Variants in DAB2IP observed in about 807,000 individuals in gnomAD.
DAB2IP encodes the protein disabled homolog 2-interacting protein.
In DAB2IP, 28 loss-of-function variants were observed where a neutral mutation model predicts 107.2. The ratio of observed to expected loss-of-function variants is 0.26; its 90% CI spans 0.19 to 0.36. The LOEUF (loss-of-function observed/expected upper bound fraction) is 0.36. DAB2IP is among the 10% of genes least tolerant of loss of function. The pLI, the probability that DAB2IP is intolerant of heterozygous loss-of-function variation, is 1.00. For missense variants in DAB2IP, 1,400 were observed against 1,644.7 expected, an observed-to-expected ratio of 0.85 and a Z score of 2.57; for synonymous variants, 755 against 706.4, an observed-to-expected ratio of 1.07 and a Z score of -1.09.
intron 1 of DAB2IP, among the ~76,000 whole-genome samples, chr9:121,597,638 TG>T (rs1386741259): frequency 6.6e-5 from 10 of 152,238 alleles, no homozygotes; most frequent in Non-Finnish European, 1.5e-4. Flanking sequence ...ATAATGCTTT[TG>T]TTTACAAAAG....
chr9:121,748,992 C>T (rs1483544100), intron 3 of DAB2IP, among the ~76,000 whole-genome samples: 1 of 152,188 alleles, frequency 6.6e-6, no homozygotes, highest in Non-Finnish European at 1.5e-5. Context: ...CTGAGGGAAC[C>T]CTGGGTTGAG....
intron 10 of DAB2IP, among the ~76,000 whole-genome samples, chr9:121,769,224 A>G (rs1834517050): frequency 6.6e-6 from 1 of 152,178 alleles, no homozygotes; most frequent in Non-Finnish European, 1.5e-5. Context: ...TAGGGCTCCA[A>G]GGGACCACCT....
chr9:121,780,041 G>A (rs1410897022), intron 14 of DAB2IP, among the ~76,000 whole-genome samples: 1 of 148,610 alleles, frequency 6.7e-6, no homozygotes, highest in East Asian at 1.9e-4. Flanking sequence ...CATTTTTCTG[G>A]TTTGTTTGTT....
intron 1 of DAB2IP, among the ~76,000 whole-genome samples, chr9:121,627,634 G>C (rs1347498206): frequency 2.6e-5 from 4 of 152,084 alleles, no homozygotes; most frequent in Non-Finnish European, 5.9e-5. Context: ...TATGAAGAGC[G>C]GGGCTGGGCT....
At chr9:121,709,593 G>C (rs536676994) in intron 3 of DAB2IP, among the ~76,000 whole-genome samples, 2 of 152,140 alleles carry the variant, frequency 1.3e-5, no homozygotes, top group South Asian at 4.1e-4. Flanking sequence ...AAACCCAGGC[G>C]GTTGGCTTTA....
chr9:121,761,023 C>G (rs762200033), intron 6 of DAB2IP, among the ~76,000 whole-genome samples: 1 of 152,192 alleles, frequency 6.6e-6, no homozygotes, highest in Non-Finnish European at 1.5e-5. Context: ...CTGAGACCCA[C>G]CCAGGCAAGT....
intron 3 of DAB2IP, among the ~76,000 whole-genome samples, chr9:121,755,904 G>A (rs559692714): frequency 6.6e-6 from 1 of 152,308 alleles, no homozygotes; most frequent in African/African-American, 2.4e-5. Flanking sequence ...GGCGAGGCAG[G>A]GAGAGAATGA....
At chr9:121,758,323 A>G (rs1000766512) in intron 4 of DAB2IP, among the ~76,000 whole-genome samples, 14 of 152,162 alleles carry the variant, frequency 9.2e-5, no homozygotes, top group African/African-American at 2.9e-4. Context: ...TGGGGACCCT[A>G]GGGCCTGGCA....
rs971897667 is a variant in DAB2IP at position 121,662,599 on chromosome 9, A to G, written c.124+10700A>G. On this transcript the variant is annotated intron_variant, in intron 1 of 15. Transcript: ENST00000408936. This position sits in a 1 kb window ranked among gnomAD's most constrained non-coding sequence, Gnocchi z 4.6. ...GACTTGTAAGCCTGAAATATTTGCTATCTGGCCTTTTATGGAAAGTTTGCT... is the reference window on the plus strand; with the variant it reads ...GACTTGTAAGCCTGAAATATTTGCTGTCTGGCCTTTTATGGAAAGTTTGCT... 6.6e-6 allele frequency among the ~76,000 whole-genome samples: 1 copy of G among 152,188 alleles called. No individual in the cohort carries two copies. The highest frequency in any genetic ancestry group is 1.5e-5 in the Non-Finnish European group (1 of 68,042).
chr9:121,721,619 T>C (rs996045995), intron 3 of DAB2IP, among the ~76,000 whole-genome samples: 1 of 152,218 alleles, frequency 6.6e-6, no homozygotes, highest in Non-Finnish European at 1.5e-5. Flanking sequence ...AAGCCAAAAA[T>C]CTAGAGGTTT....
chr9:121,677,885 C>T (rs1027175898), intron 1 of DAB2IP, among the ~76,000 whole-genome samples: 6 of 152,296 alleles, frequency 3.9e-5, no homozygotes, highest in African/African-American at 1.4e-4. Flanking sequence ...TGGTTTCGAA[C>T]TCCTGACCTC....
chr9:121,680,206 G>A (rs547875588), intron 2 of DAB2IP, among the ~76,000 whole-genome samples: 2 of 152,324 alleles, frequency 1.3e-5, no homozygotes, highest in South Asian at 2.1e-4. Context: ...TCAAGGTCAC[G>A]TGGAACCTCC....
exon 16 of DAB2IP, chr9:121,783,382 C>G: frequency 6.5e-7 from 1 of 1,540,026 alleles, no homozygotes. Context: ...TGGGGCCCAG[C>G]ACACCCAGGG....
At chr9:121,580,381 A>G (rs887057077) in intron 1 of DAB2IP, among the ~76,000 whole-genome samples, 1 of 152,174 alleles carries the variant, frequency 6.6e-6, no homozygotes, top group Non-Finnish European at 1.5e-5. Flanking sequence ...GACCTTAAAG[A>G]TAACCAGAGA....
intron 3 of DAB2IP, among the ~76,000 whole-genome samples, chr9:121,726,596 A>C (rs1438685930): frequency 6.6e-6 from 1 of 152,202 alleles, no homozygotes; most frequent in Non-Finnish European, 1.5e-5. Context: ...ATCTGATGCT[A>C]TCTCCAGGTA....
At chr9:121,590,225 C>T (rs571225602) in intron 1 of DAB2IP, among the ~76,000 whole-genome samples, 5 of 150,216 alleles carry the variant, frequency 3.3e-5, no homozygotes, top group South Asian at 2.1e-4. Context: ...ACTTATGCTC[C>T]GTGACCGTCA....
chr9:121,585,225 G>GT (rs1830286559), intron 1 of DAB2IP, among the ~76,000 whole-genome samples: 1 of 152,120 alleles, frequency 6.6e-6, no homozygotes. Flanking sequence ...GAATGGCGAG[G>GT]GGTCAATGAG....
intron 1 of DAB2IP, among the ~76,000 whole-genome samples, chr9:121,674,618 G>A (rs1360289480): frequency 6.6e-6 from 1 of 152,134 alleles, no homozygotes; most frequent in Non-Finnish European, 1.5e-5. Flanking sequence ...ACCTGTTGTT[G>A]AGGGATCACA....
intron 1 of DAB2IP, among the ~76,000 whole-genome samples, chr9:121,664,592 T>A (rs920855286): frequency 6.6e-6 from 1 of 152,260 alleles, no homozygotes; most frequent in East Asian, 1.9e-4. Context: ...TAGTCTCTTA[T>A]GTGTTAAATT....
Sources: gnomAD v4.1 joint callset for allele counts (sites outside exome capture counted in the v4.1 genomes callset) on GRCh38, gnomAD v4.1.1 for gene constraint, Gnocchi (gnomAD v3.1) non-coding constraint, MANE v1.5 for transcripts, NCBI Gene and HGNC (gene_info 2026-07-23, HGNC 2026-07-21) for gene names.